The following MICAL2 variants were observed in gnomAD, a reference collection of about 807,000 sequenced individuals.
MICAL2 encodes the protein microtubule associated monooxygenase, calponin and LIM domain containing 2.
A neutral mutation model predicts 127.3 loss-of-function variants in MICAL2; 77 were observed. The observed-to-expected ratio is 0.60, with a 90% CI of 0.50 to 0.73. The LOEUF (loss-of-function observed/expected upper bound fraction) is 0.73. Among genes scored for constraint, MICAL2 ranks in the 30% least tolerant of loss-of-function variants. The probability of loss-of-function intolerance (pLI) is 0.00; values close to 1 mark genes in which losing one functional copy is unlikely to be tolerated. For synonymous variants in MICAL2, 570 were observed against 551.1 expected, an observed-to-expected ratio of 1.03 and a Z score of -0.48; for missense variants, 1,351 against 1,434.4, an observed-to-expected ratio of 0.94 and a Z score of 0.94.
chr11:12,339,045 A>T (rs1488638232), intron 32 of MICAL2, among the ~76,000 whole-genome samples: 1 of 152,142 alleles, frequency 6.6e-6, no homozygotes, highest in Non-Finnish European at 1.5e-5. Flanking sequence ...TATCCTGCAG[A>T]GTGTTTTCCA....
intron 26 of MICAL2, chr11:12,262,158 A>G: frequency 8.2e-7 from 1 of 1,212,860 alleles, no homozygotes; most frequent in South Asian, 1.9e-5. Flanking sequence ...TGGACCCCCG[A>G]GGATGAATGC....
intron 3 of MICAL2, among the ~76,000 whole-genome samples, chr11:12,168,145 T>TACACACACAC (rs3044619): frequency 0.18 from 25,888 of 146,006 alleles, 2,650 homozygotes; most frequent in Admixed American, 0.22. Context: ...CTACAGCAAA[T>TACACACACAC]ACACACACAC....
downstream of MICAL2, among the ~76,000 whole-genome samples, chr11:12,264,135 G>C (rs867578867): frequency 1.3e-5 from 2 of 152,162 alleles, no homozygotes; most frequent in Non-Finnish European, 2.9e-5. Flanking sequence ...ACACCCAAGC[G>C]TGGCTCTACA....
In MICAL2 at chr11:12,204,232, C is replaced by G. The variant is rs373148199; in HGVS notation, c.265-18C>G. The G allele has an allele frequency of 6.8e-6, 11 of 1,611,104 alleles. No individual in the cohort carries two copies. The highest frequency in any genetic ancestry group is 9.3e-6 in the Non-Finnish European group (11 of 1,177,634). On this transcript the variant is annotated intron_variant, in intron 3 of 27. Coordinates refer to ENST00000683283, the MANE Select transcript of MICAL2 (RefSeq NM_001282663.2). ...GCTAGAGGTTACCAAGAGTCTCTCT[C>G]CTCTCTCACCTCTGCAGTGTCTCAT...
intron 1 of MICAL2, among the ~76,000 whole-genome samples, chr11:12,115,299 C>T (rs1305737310): frequency 1.3e-5 from 2 of 152,208 alleles, no homozygotes; most frequent in Non-Finnish European, 2.9e-5. Context: ...ACCTTCTTCT[C>T]TTGGTAATGG....
At chr11:12,243,663 G>A (rs542099586) in intron 20 of MICAL2, among the ~76,000 whole-genome samples, 98 of 152,360 alleles carry the variant, frequency 6.4e-4, no homozygotes, top group African/African-American at 1.9e-3. Flanking sequence ...GCTCGCAGCT[G>A]CTACTTCATA....
intron 3 of MICAL2, among the ~76,000 whole-genome samples, chr11:12,200,622 C>T (rs1398141126): frequency 6.6e-6 from 1 of 152,220 alleles, no homozygotes; most frequent in Non-Finnish European, 1.5e-5. Context: ...TATAATTAGG[C>T]CCGTTGGTAT....
intron 29 of MICAL2, among the ~76,000 whole-genome samples, chr11:12,300,483 T>G (rs1781006442): frequency 6.6e-6 from 1 of 152,186 alleles, no homozygotes; most frequent in Non-Finnish European, 1.5e-5. Flanking sequence ...TAACAAGGAC[T>G]TCCTGAAGTC....
chr11:12,275,039 C>T (rs932784454), upstream of MICAL2, among the ~76,000 whole-genome samples: 3 of 151,946 alleles, frequency 2.0e-5, no homozygotes, highest in Admixed American at 1.3e-4. Context: ...TCTGGATTCC[C>T]GACGTGTTTT....
At chr11:12,308,134 C>A (rs1252519348) in intron 29 of MICAL2, 2 of 152,292 alleles carry the variant, frequency 1.3e-5, no homozygotes, top group African/African-American at 2.4e-5. Context: ...AAGTGATCCT[C>A]CTGCCTTGGC....
intron 1 of MICAL2, among the ~76,000 whole-genome samples, chr11:12,129,468 C>T (rs1251362403): frequency 1.3e-5 from 2 of 152,068 alleles, no homozygotes; most frequent in Non-Finnish European, 2.9e-5. Context: ...ATGAAACACG[C>T]ACCCCCCTTC....
intron 22 of MICAL2, chr11:12,254,832 C>T (rs1862094932): frequency 6.9e-6 from 1 of 144,358 alleles, no homozygotes; most frequent in African/African-American, 2.6e-5. Context: ...GACTAAAAGG[C>T]TTTTGGTTTT....
intron 2 of MICAL2, among the ~76,000 whole-genome samples, chr11:12,143,828 G>T (rs1402902328): frequency 6.6e-6 from 1 of 152,186 alleles, no homozygotes; most frequent in African/African-American, 2.4e-5. Context: ...TTTTAAGGAT[G>T]ACATTTGCAA....
In MICAL2 at chr11:12,226,307, A is replaced by G. The variant is rs1857437328; in HGVS notation, c.1825A>G (p.Ser609Gly). Residue 609 changes from serine (S) to glycine (G), a missense_variant, in exon 14 of 28, where the codon AGC (serine) becomes GGC (glycine). This residue lies in a region of MICAL2 where 752 missense variants were observed against 719.4 expected (regional missense o/e 1.05). Coordinates refer to ENST00000683283, the MANE Select transcript of MICAL2 (RefSeq NM_001282663.2). Reference sequence around the variant, plus strand: ...ATCTGCCCAGGAGCCTGACAAGCTCAGCATGGTCATGTACCTCTCCAAGTT... The same window carrying G: ...ATCTGCCCAGGAGCCTGACAAGCTCGGCATGGTCATGTACCTCTCCAAGTT... ...MASAQEPDKL[S>G]MVMYLSKFYE... 6.2e-7 allele frequency: 1 copy of G among 1,614,130 alleles called. No individual in the cohort carries two copies. Among genetic ancestry groups the G allele is most frequent in the African/African-American group, 1.3e-5 (1 of 74,946 alleles).
downstream of MICAL2, among the ~76,000 whole-genome samples, chr11:12,291,415 T>A (rs1863898046): frequency 6.6e-6 from 1 of 152,194 alleles, no homozygotes; most frequent in African/African-American, 2.4e-5. Context: ...GTCAGAATTC[T>A]GCTCTAAGCA....
intron 29 of MICAL2, among the ~76,000 whole-genome samples, chr11:12,313,847 C>T (rs1864201569): frequency 1.3e-5 from 2 of 151,192 alleles, no homozygotes; most frequent in South Asian, 2.1e-4. Context: ...TGAGGCTATG[C>T]TGTTAGGTAT....
chr11:12,169,579 T>C (rs1288213062), intron 3 of MICAL2, among the ~76,000 whole-genome samples: 1 of 152,048 alleles, frequency 6.6e-6, no homozygotes, highest in Non-Finnish European at 1.5e-5. Context: ...AGAAATGGAG[T>C]TTCACCATGT....
intron 15 of MICAL2, among the ~76,000 whole-genome samples, chr11:12,234,758 C>T (rs1858790152): frequency 6.6e-6 from 1 of 152,094 alleles, no homozygotes; most frequent in Admixed American, 6.5e-5. Flanking sequence ...CAGATGCTTT[C>T]CGTTGGAGGG....
chr11:12,122,989 G>A (rs1850631126), intron 1 of MICAL2, among the ~76,000 whole-genome samples: 1 of 151,908 alleles, frequency 6.6e-6, no homozygotes, highest in Admixed American at 6.6e-5. Flanking sequence ...CTTCCCCTTG[G>A]GTGCCATGGA....
Sources: allele counts gnomAD v4.1 joint callset (sites outside exome capture counted in the v4.1 genomes callset), GRCh38; gene constraint gnomAD v4.1.1; regional missense constraint gnomAD v4.1.1; transcripts MANE v1.5; gene names NCBI Gene and HGNC (gene_info 2026-07-23, HGNC 2026-07-21).